Variants in ESPN observed in about 807,000 individuals in gnomAD.
ESPN encodes the protein autosomal recessive deafness type 36 protein.
A neutral mutation model predicts 77.7 loss-of-function variants in ESPN; 68 were observed. The observed-to-expected ratio is 0.87, with a 90% CI of 0.72 to 1.07. The LOEUF (loss-of-function observed/expected upper bound fraction) is 1.07, where lower values mean the gene tolerates loss of function less well. Among genes scored for constraint, ESPN ranks in the 50% least tolerant of loss-of-function variants. The pLI, the probability that ESPN is intolerant of heterozygous loss-of-function variation, is 0.00. For missense variants in ESPN, 1,060 were observed against 1,239.0 expected, an observed-to-expected ratio of 0.86 and a Z score of 2.17; for synonymous variants, 449 against 567.1, an observed-to-expected ratio of 0.79 and a Z score of 2.96.
Position 6,425,111 on chromosome 1 carries a change from G to T in ESPN, c.156G>T (p.Leu52=). ...CCCGCGCTGGGAAGCTGCACTGTCT[G>T]CGCTTCCTGGTGGAGGAAGCCGCCC... is the stretch of plus-strand genomic sequence containing the variant. The part of the protein sequence containing the change: ...HAARAGKLHC[L]RFLVEEAALP... Residue 52 remains leucine, a synonymous_variant, in exon 1 of 13, where the codon CTG becomes CTT. Coordinates refer to ENST00000645284, the MANE Select transcript of ESPN (RefSeq NM_031475.3). The T allele has an allele frequency of 1.3e-6, 2 of 1,508,474 alleles. No individual in the cohort carries two copies. Among genetic ancestry groups the T allele is most frequent in the Non-Finnish European group, 8.8e-7 (1 of 1,136,584 alleles). The allele number at this position is 1,508,474 out of a possible 1,614,324, so 93.4% of individuals were successfully genotyped here. A position where few individuals can be genotyped will look rare whatever the true frequency, so the allele number is the denominator to read the frequency against.
chr1:6,458,526 G>T (rs181856576), intron 12 of ESPN, among the ~76,000 whole-genome samples: 1 of 141,920 alleles, frequency 7.0e-6, no homozygotes, highest in Non-Finnish European at 1.5e-5. Context: ...ATGTTGGTCA[G>T]GCTGGTCTCG....
intron 6 of ESPN, 89 bp downstream of exon 6, chr1:6,444,771 A>G: frequency 6.7e-7 from 1 of 1,481,604 alleles, no homozygotes; most frequent in Non-Finnish European, 9.4e-7. Context: ...CCGCCCTGCC[A>G]CAGCCAATAT....
rs1055017599 is a variant in ESPN at position 6,427,345 on chromosome 1, TCTC to T, written c.295-876_295-874del. 9.9e-5 allele frequency among the ~76,000 whole-genome samples: 15 copies of T among 151,988 alleles called. No individual in the cohort carries two copies. Among genetic ancestry groups the T allele is most frequent in the African/African-American group, 2.9e-4 (12 of 41,370 alleles). ...TCTGTGTCTAGATGTTCCCGGGAATTCTCCTCCCAGCACAGGTCCTGTAAGCAC... is the reference window on the plus strand; with the variant it reads ...TCTGTGTCTAGATGTTCCCGGGAATTCTCCCAGCACAGGTCCTGTAAGCAC... On this transcript the variant is annotated intron_variant, in intron 1 of 12. Transcript: ENST00000645284. The surrounding 1 kb of genome is among the most constrained non-coding windows in gnomAD (Gnocchi z 4.6).
In ESPN at chr1:6,460,426, C is replaced by A; in HGVS notation, c.*280C>A. 2.3e-6 allele frequency: 1 copy of A among 437,126 alleles called. No homozygotes were observed. Among genetic ancestry groups the A allele is most frequent in the Non-Finnish European group, 4.2e-6 (1 of 238,390 alleles). 27.1% of individuals were successfully genotyped at this position (437,126 alleles called of 1,614,324 possible). A position where few individuals can be genotyped will look rare whatever the true frequency, so the allele number is the denominator to read the frequency against. The stretch of plus-strand genomic sequence containing the variant: ...GCCGACTTACATATATTTGCATGTT[C>A]GTTGACTATCAAAGAGTGCAGAGCT... On this transcript the variant is annotated 3_prime_UTR_variant, in exon 13 of 13. Transcript: ENST00000645284.
At chr1:6,440,604 T>TCAGC in intron 3 of ESPN, 22 bp from the exon 4 acceptor site, 6 of 725,270 alleles carry the variant, frequency 8.3e-6, no homozygotes, top group Non-Finnish European at 1.0e-5. Context: ...CCCGCCCCCC[T>TCAGC]CTCCCCGCCC....
At chr1:6,456,271 C>T in intron 10 of ESPN, 2 of 391,168 alleles carry the variant, frequency 5.1e-6, no homozygotes, top group Non-Finnish European at 9.0e-6. Flanking sequence ...TGACGCCCTC[C>T]AGAGGCTGGA....
Position 6,445,678 on chromosome 1 carries a change from A to G in ESPN, c.1207A>G (p.Arg403Gly). Reference sequence around the variant, plus strand: ...TGCCTCCCCAGGGCTTTCCAGCGCTAGAGCTGCAGACATACAGAGCTACAT... The same window carrying G: ...TGCCTCCCCAGGGCTTTCCAGCGCTGGAGCTGCAGACATACAGAGCTACAT... The part of the protein sequence containing the change: ...QHPPCGLSSA[R>G]AADIQSYMDM... The change falls in exon 7 of 13, where the codon AGA becomes GGA. Residue 403 changes from arginine (R) to glycine (G), a missense_variant. Around this residue, in one of 3 missense-constraint regions of ESPN, gnomAD observed 556 missense variants for 633.6 expected, o/e 0.88. Transcript: ENST00000645284. 1.2e-6 allele frequency: 2 copies of G among 1,612,644 alleles called. No individual in the cohort carries two copies. Among genetic ancestry groups the G allele is most frequent in the Non-Finnish European group, 8.5e-7 (1 of 1,179,872 alleles).
chr1:6,448,612 G>A, intron 7 of ESPN, 29 bp from the exon 8 acceptor site: 2 of 1,544,908 alleles, frequency 1.3e-6, no homozygotes, highest in Non-Finnish European at 1.7e-6. Flanking sequence ...GCAGGTGCCC[G>A]AGCCCCACCG....
intron 12 of ESPN, among the ~76,000 whole-genome samples, chr1:6,457,745 G>A (rs1407294245): frequency 6.6e-6 from 1 of 152,186 alleles, no homozygotes; most frequent in Admixed American, 6.5e-5. Flanking sequence ...AGTAGCCACA[G>A]TGAAAATGTA....
intron 10 of ESPN, among the ~76,000 whole-genome samples, chr1:6,453,878 G>A (rs1383814014): frequency 6.6e-6 from 1 of 152,182 alleles, no homozygotes; most frequent in Admixed American, 6.5e-5. Context: ...CCAGCAGGAC[G>A]AAGGGAGGGG....
chr1:6,444,830 C>A lies in ESPN; in HGVS notation c.1192+148C>A, dbSNP rs192665670. 6 of 899,580 alleles carry A rather than the reference C, an allele frequency of 6.7e-6. No individual in the cohort carries two copies. The South Asian group carries it at 8.6e-5, about 13-fold the overall frequency. 55.7% of individuals were successfully genotyped at this position (899,580 alleles called of 1,614,324 possible). ...TCTTAAACATGGGGAGGCGACACCC[C>A]TTCTGGTGAGAGACAGATGTCACTC... On this transcript the variant is annotated intron_variant, in intron 6 of 12. Transcript: ENST00000645284.
Position 6,449,097 on chromosome 1 carries a change from T to C in ESPN, c.1915+6T>C. ...CTCCTCCTCGTCCACCGGCAGTGAG[T>C]AGGGGCAGGTTGAGGGGCGTGGGGC... On this transcript the variant is annotated splice_donor_region_variant and intron_variant, in intron 8 of 12. Transcript: ENST00000645284. The C allele has an allele frequency of 1.4e-6, 2 of 1,478,594 alleles. No homozygotes were observed. The highest frequency in any genetic ancestry group is 8.9e-7 in the Non-Finnish European group (1 of 1,121,228). The allele number at this position is 1,478,594 out of a possible 1,614,324, so 91.6% of individuals were successfully genotyped here.
chr1:6,431,647 A>T (rs1643256515), intron 2 of ESPN, among the ~76,000 whole-genome samples: 1 of 148,106 alleles, frequency 6.8e-6, no homozygotes, highest in Non-Finnish European at 1.5e-5. Flanking sequence ...AAAAAAAAAA[A>T]AAAAAAGGAA....
At chr1:6,431,662 C>T (rs9434768) in intron 2 of ESPN, among the ~76,000 whole-genome samples, 4 of 128,934 alleles carry the variant, frequency 3.1e-5, no homozygotes, top group South Asian at 2.5e-4. Flanking sequence ...AAGGAACGAA[C>T]GAAAGAAAGG....
rs557034888 is a variant in ESPN, at chr1:6,442,275, T to C, written c.990+1210T>C. Among the ~76,000 whole-genome samples, 281 of 152,240 alleles carry C rather than the reference T, an allele frequency of 1.8e-3. 2 individuals carry two copies. The highest frequency in any genetic ancestry group is 6.5e-3 in the African/African-American group (272 of 41,550). On this transcript the variant is annotated intron_variant, in intron 5 of 12. Coordinates refer to ENST00000645284, the MANE Select transcript of ESPN (RefSeq NM_031475.3). ...AATCTCCGTTACTCTTCACAGTACA[T>C]TAAAAAAATAGTTGGCCGGGTGCAG...
At chr1:6,460,958 C>T (rs1193386210), downstream of ESPN, 13 of 369,822 alleles carry the variant, frequency 3.5e-5, no homozygotes, top group South Asian at 2.5e-4. Context: ...GCTGTGGCCG[C>T]GACTTGCTCT....
At chr1:6,439,140 C>T (rs1016891586) in intron 2 of ESPN, among the ~76,000 whole-genome samples, 11 of 152,084 alleles carry the variant, frequency 7.2e-5, no homozygotes, top group African/African-American at 2.7e-4. Flanking sequence ...GAAGAACCTG[C>T]TTGCTAGTGC....
intron 12 of ESPN, among the ~76,000 whole-genome samples, chr1:6,457,947 G>T (rs1644084420): frequency 6.6e-6 from 1 of 151,350 alleles, no homozygotes; most frequent in African/African-American, 2.4e-5. Flanking sequence ...CAAGGCAGGG[G>T]GACCACTTGA....
At chr1:6,431,579 C>T (rs1177389524) in intron 2 of ESPN, among the ~76,000 whole-genome samples, 1 of 144,222 alleles carries the variant, frequency 6.9e-6, no homozygotes, top group Non-Finnish European at 1.5e-5. Flanking sequence ...TGCAGTGAGC[C>T]CAGATCATGC....
Sources: allele counts gnomAD v4.1 joint callset (sites outside exome capture counted in the v4.1 genomes callset), GRCh38; gene constraint gnomAD v4.1.1; regional missense constraint gnomAD v4.1.1; non-coding constraint Gnocchi (gnomAD v3.1); transcripts MANE v1.5; gene names NCBI Gene and HGNC (gene_info 2026-07-23, HGNC 2026-07-21).